DAAM1: variants seen among roughly 807,000 people sequenced by gnomAD.
The protein encoded by DAAM1 is dishevelled associated activator of morphogenesis 1, also known as disheveled-associated activator of morphogenesis 1.
In DAAM1, 52 loss-of-function variants were observed where a neutral mutation model predicts 130.0. The observed-to-expected ratio is 0.40, with a 90% confidence interval of 0.32 to 0.50. DAAM1 has a LOEUF of 0.50. DAAM1 is among the 20% of genes least tolerant of loss of function. The pLI, the probability that DAAM1 is intolerant of heterozygous loss-of-function variation, is 0.61. For missense variants in DAAM1, 1,134 were observed against 1,303.8 expected (o/e 0.87, Z 2.01); for synonymous variants, 452 against 444.5 (o/e 1.02, Z -0.21).
At chr14:59,291,880 A>G (rs1435999403) in intron 3 of DAAM1, among the ~76,000 whole-genome samples, 1 of 152,174 alleles carries the variant, frequency 6.6e-6, no homozygotes, top group Non-Finnish European at 1.5e-5. Context: ...TGAAAGGACT[A>G]AAGTCTTTAT....
At position 59,247,896 on chromosome 14, in the gene DAAM1, T is replaced by G. The variant is rs543473146; in HGVS notation, c.-37-15545T>G. ...TACCATGTTGTGCAACTTGGATGGT[T>G]ATTTAATATTGTTACTCCTTTAACA... On this transcript the variant is annotated intron_variant, in intron 1 of 24. Transcript: ENST00000360909. Among the ~76,000 whole-genome samples, 6 of 152,336 alleles carry G rather than the reference T, an allele frequency of 3.9e-5. No individual in the cohort carries two copies. The South Asian group carries it at 1.2e-3, about 32-fold the overall frequency.
chr14:59,238,680 G>A (rs776000611), intron 1 of DAAM1, among the ~76,000 whole-genome samples: 4 of 152,128 alleles, frequency 2.6e-5, no homozygotes, highest in Non-Finnish European at 5.9e-5. Flanking sequence ...ACATGTAGCG[G>A]CTTACTGACT....
chr14:59,326,172 C>A, intron 10 of DAAM1, 95 bp downstream of exon 10: 1 of 1,164,516 alleles, frequency 8.6e-7, no homozygotes, highest in Non-Finnish European at 1.3e-6. Flanking sequence ...ACATTGGGTG[C>A]ACACCAGGGA....
At chr14:59,239,005 A>G (rs1889396131) in intron 1 of DAAM1, among the ~76,000 whole-genome samples, 2 of 152,198 alleles carry the variant, frequency 1.3e-5, no homozygotes, top group Admixed American at 6.5e-5. Flanking sequence ...TCTGCTGCTT[A>G]GGAGTGGGTG....
intron 1 of DAAM1, among the ~76,000 whole-genome samples, chr14:59,236,815 A>T (rs1054010229): frequency 1.9e-4 from 29 of 152,074 alleles, no homozygotes; most frequent in African/African-American, 6.8e-4. Context: ...TAAATTAATT[A>T]ATTTATTTGT....
intron 3 of DAAM1, among the ~76,000 whole-genome samples, chr14:59,312,084 CAA>C (rs774061322): frequency 1.8e-4 from 28 of 152,074 alleles, no homozygotes; most frequent in Non-Finnish European, 2.8e-4. Context: ...TATATCTGTA[CAA>C]GTGTGAACAT....
chr14:59,347,180 G>A (rs545970823), intron 16 of DAAM1, among the ~76,000 whole-genome samples: 1 of 152,258 alleles, frequency 6.6e-6, no homozygotes, highest in South Asian at 2.1e-4. Context: ...CGTATAAACA[G>A]GTCAGAAACT....
In DAAM1 at chr14:59,240,185, AG is replaced by A. The variant is rs548508366; in HGVS notation, c.-37-23253del. Among the ~76,000 whole-genome samples the A allele has an allele frequency of 3.3e-5, 5 of 152,296 alleles. No individual in the cohort carries two copies. The South Asian group carries it at 6.2e-4, about 19-fold the overall frequency. ...GGGTATGGCTTGAGATGAGACAGGT[AG>A]GGTTTATGTCCTTGCTGACCGCCCC... On this transcript the variant is annotated intron_variant, in intron 1 of 24. Transcript: ENST00000360909.
intron 3 of DAAM1, among the ~76,000 whole-genome samples, chr14:59,293,844 C>G (rs960987281): frequency 6.6e-6 from 1 of 152,200 alleles, no homozygotes; most frequent in Admixed American, 6.5e-5. Flanking sequence ...ATGTTTACCT[C>G]TCTTCAGAGA....
chr14:59,276,154 A>G (rs1489987042), intron 2 of DAAM1, among the ~76,000 whole-genome samples: 1 of 152,244 alleles, frequency 6.6e-6, no homozygotes, highest in Non-Finnish European at 1.5e-5. Flanking sequence ...CATTGCAGTT[A>G]AATTTTAAGT....
At position 59,369,229 on chromosome 14, in the gene DAAM1, C is replaced by G. The variant is rs1246870107; in HGVS notation, c.*370C>G. 6.3e-6 allele frequency: 1 copy of G among 159,276 alleles called. No homozygotes were observed. The highest frequency in any genetic ancestry group is 1.4e-5 in the Non-Finnish European group (1 of 73,070). The allele number at this position is 159,276 out of a possible 1,614,324, so 9.9% of individuals were successfully genotyped here. A position where few individuals can be genotyped will look rare whatever the true frequency, so the allele number is the denominator to read the frequency against. Reference sequence around the variant, plus strand: ...ACATTCCCTAGATTCAAAGGCAAAACAGAAGAAACAAACAAACAAACAAAA... The same window carrying G: ...ACATTCCCTAGATTCAAAGGCAAAAGAGAAGAAACAAACAAACAAACAAAA... On this transcript the variant is annotated 3_prime_UTR_variant, in exon 25 of 25. Coordinates refer to ENST00000360909, the MANE Select transcript of DAAM1 (RefSeq NM_001270520.2).
chr14:59,351,133 A>G (rs1271231535), intron 17 of DAAM1, among the ~76,000 whole-genome samples: 2 of 149,484 alleles, frequency 1.3e-5, no homozygotes, highest in African/African-American at 2.5e-5. Context: ...CCAGAAGCCC[A>G]GGCGTCATCT....
At chr14:59,242,581 C>T (rs893012429) in intron 1 of DAAM1, among the ~76,000 whole-genome samples, 9 of 152,132 alleles carry the variant, frequency 5.9e-5, no homozygotes, top group Non-Finnish European at 8.8e-5. Flanking sequence ...TTCTTTGAGA[C>T]AGAGTCTCGC....
chr14:59,253,578 A>T (rs1438877425), intron 1 of DAAM1, among the ~76,000 whole-genome samples: 1 of 152,244 alleles, frequency 6.6e-6, no homozygotes, highest in Non-Finnish European at 1.5e-5. Context: ...CTTTATTTTC[A>T]GTTCAGCAAA....
intron 2 of DAAM1, among the ~76,000 whole-genome samples, chr14:59,275,101 A>T (rs1013880086): frequency 2.0e-5 from 3 of 152,160 alleles, no homozygotes; most frequent in African/African-American, 7.2e-5. Flanking sequence ...GGTGCTATCG[A>T]AGGAGGTGGC....
chr14:59,349,087 G>GA (rs1886191470), intron 17 of DAAM1, among the ~76,000 whole-genome samples: 1 of 152,166 alleles, frequency 6.6e-6, no homozygotes. Context: ...CCTTGCTGTA[G>GA]ACCAGTCACA....
chr14:59,271,241 CTTG>C lies in DAAM1; in HGVS notation c.183+7586_183+7588del, dbSNP rs752542039. On this transcript the variant is annotated intron_variant, in intron 2 of 24. Coordinates refer to ENST00000360909, the MANE Select transcript of DAAM1 (RefSeq NM_001270520.2). ...GGAAATGTAAAATATTTTAAAGAAA[CTTG>C]TTGTGAAATTCATCACTGGTCACAA... Among the ~76,000 whole-genome samples the C allele has an allele frequency of 2.8e-4, 42 of 152,072 alleles. No homozygotes were observed. The Middle Eastern group carries it at 0.01, about 37-fold the overall frequency.
At chr14:59,292,626 T>C (rs1372657823) in intron 3 of DAAM1, among the ~76,000 whole-genome samples, 1 of 152,258 alleles carries the variant, frequency 6.6e-6, no homozygotes, top group African/African-American at 2.4e-5. Context: ...TTACACTGAA[T>C]ACTGTCAAAA....
chr14:59,240,350 G>A (rs1017783905), intron 1 of DAAM1, among the ~76,000 whole-genome samples: 3 of 152,204 alleles, frequency 2.0e-5, no homozygotes, highest in African/African-American at 2.4e-5. Context: ...TGACCTTGGA[G>A]AGGTGCTCAG....
Sources: gnomAD v4.1 joint callset for allele counts (sites outside exome capture counted in the v4.1 genomes callset) on GRCh38, gnomAD v4.1.1 for gene constraint, MANE v1.5 for transcripts, NCBI Gene and HGNC (gene_info 2026-07-23, HGNC 2026-07-21) for gene names.